The following SGCD variants were observed in gnomAD, a reference collection of about 807,000 sequenced individuals.
SGCD encodes sarcoglycan delta, also known as delta-sarcoglycan.
Under a neutral mutation model 36.6 loss-of-function variants are expected in SGCD, and 18 were observed. The observed-to-expected ratio is 0.49, with a 90% CI of 0.34 to 0.73. The LOEUF is 0.73. SGCD is among the 30% of genes least tolerant of loss of function. The probability of loss-of-function intolerance (pLI) is 0.01; values close to 1 mark genes in which losing one functional copy is unlikely to be tolerated. For missense variants in SGCD, 387 were observed against 346.7 expected (o/e 1.12, Z -0.92); for synonymous variants, 133 against 130.6 (o/e 1.02, Z -0.12).
intron 3 of SGCD, among the ~76,000 whole-genome samples, chr5:156,194,356 G>A (rs1197397522): frequency 6.6e-6 from 1 of 152,082 alleles, no homozygotes; most frequent in Non-Finnish European, 1.5e-5. Context: ...ATCAGCCTGA[G>A]CGACAGAGCA....
chr5:156,501,177 C>G (rs144457181), intron 3 of SGCD, among the ~76,000 whole-genome samples: 24 of 152,246 alleles, frequency 1.6e-4, no homozygotes, highest in African/African-American at 5.1e-4. Context: ...TTGTCTACTG[C>G]CCCCCACCCA....
intron 4 of SGCD, among the ~76,000 whole-genome samples, chr5:156,554,998 C>G (rs1758962752): frequency 6.6e-6 from 1 of 152,136 alleles, no homozygotes; most frequent in Non-Finnish European, 1.5e-5. Flanking sequence ...TGTTACACAT[C>G]CTTTCATGGA....
chr5:156,023,875 C>G (rs1390798826), intron 1 of SGCD, among the ~76,000 whole-genome samples: 1 of 152,182 alleles, frequency 6.6e-6, no homozygotes, highest in Non-Finnish European at 1.5e-5. Flanking sequence ...TGCTTCTTCC[C>G]TTGCTATCAC....
chr5:156,069,684 G>T (rs1405891118), intron 1 of SGCD, among the ~76,000 whole-genome samples: 2 of 151,234 alleles, frequency 1.3e-5, no homozygotes, highest in African/African-American at 2.5e-5. Flanking sequence ...GCTTGATGGG[G>T]ATGGCATTGA....
At chr5:156,428,796 A>G (rs1773787183) in intron 3 of SGCD, among the ~76,000 whole-genome samples, 1 of 152,146 alleles carries the variant, frequency 6.6e-6, no homozygotes, top group Non-Finnish European at 1.5e-5. Flanking sequence ...TGACCCAAAC[A>G]TCATTCAAGA....
the SGCD span, among the ~76,000 whole-genome samples, chr5:155,843,827 T>C: frequency 6.6e-6 from 1 of 152,222 alleles, no homozygotes; most frequent in South Asian, 2.1e-4. Flanking sequence ...TGCCTAGTTC[T>C]TGGTCCCAGG....
chr5:156,706,606 T>C (rs1754753680), intron 7 of SGCD, among the ~76,000 whole-genome samples: 1 of 152,146 alleles, frequency 6.6e-6, no homozygotes, highest in South Asian at 2.1e-4. Context: ...CTTGAAATCT[T>C]GACACTTTGC....
At chr5:156,615,080 T>G (rs1761971798) in intron 6 of SGCD, among the ~76,000 whole-genome samples, 1 of 152,196 alleles carries the variant, frequency 6.6e-6, no homozygotes, top group South Asian at 2.1e-4. Context: ...CATGATGTAG[T>G]TTAGCTTTAA....
chr5:156,046,460 T>C (rs1450579561), intron 1 of SGCD, among the ~76,000 whole-genome samples: 2 of 152,198 alleles, frequency 1.3e-5, no homozygotes, highest in African/African-American at 4.8e-5. Flanking sequence ...CTAGAAAGTC[T>C]ATTGGTGCCA....
At chr5:156,314,184 A>G (rs75538812) in intron 3 of SGCD, among the ~76,000 whole-genome samples, 1,781 of 152,104 alleles carry the variant, frequency 0.012, 41 homozygotes, top group African/African-American at 0.041. Flanking sequence ...GGGTCACTGT[A>G]TTGGTGAGGT....
At chr5:156,416,190 A>C (rs1284341066) in intron 3 of SGCD, among the ~76,000 whole-genome samples, 5 of 152,210 alleles carry the variant, frequency 3.3e-5, no homozygotes, top group Non-Finnish European at 5.9e-5. Flanking sequence ...TCAGTTGTAA[A>C]AAGGAATAAA....
intron 7 of SGCD, among the ~76,000 whole-genome samples, chr5:156,654,994 A>G (rs1207706339): frequency 1.3e-5 from 2 of 152,144 alleles, no homozygotes; most frequent in African/African-American, 2.4e-5. Flanking sequence ...CAGAAAAGCT[A>G]TTTGTTAAGA....
intron 2 of SGCD, among the ~76,000 whole-genome samples, chr5:156,330,226 A>C (rs538111237): frequency 6.6e-6 from 1 of 152,148 alleles, no homozygotes; most frequent in South Asian, 2.1e-4. Context: ...TGGTAAGTAT[A>C]ATGCAAATAT....
chr5:156,651,823 GA>G (rs1330228896), intron 7 of SGCD, among the ~76,000 whole-genome samples: 1 of 151,420 alleles, frequency 6.6e-6, no homozygotes, highest in Non-Finnish European at 1.5e-5. Context: ...CTAATTCTGT[GA>G]AAAAATAACA....
At chr5:156,001,295 T>C (rs1758659705) in intron 1 of SGCD, among the ~76,000 whole-genome samples, 1 of 152,192 alleles carries the variant, frequency 6.6e-6, no homozygotes, top group Non-Finnish European at 1.5e-5. Context: ...TGCAAGTGAA[T>C]GGGTGAGAAG....
intron 3 of SGCD, among the ~76,000 whole-genome samples, chr5:156,449,786 A>C (rs1396584562): frequency 7.4e-6 from 1 of 134,382 alleles, no homozygotes; most frequent in African/African-American, 2.8e-5. Flanking sequence ...TGGGAGTTGG[A>C]GGTTGCAGTG....
intron 2 of SGCD, among the ~76,000 whole-genome samples, chr5:156,120,773 G>A (rs1254771754): frequency 6.6e-6 from 1 of 152,112 alleles, no homozygotes; most frequent in Non-Finnish European, 1.5e-5. Context: ...AAAGAAAGAT[G>A]CATTTGGATA....
chr5:155,924,237 GA>G (rs1467527529), intron 1 of SGCD, among the ~76,000 whole-genome samples: 1 of 152,148 alleles, frequency 6.6e-6, no homozygotes, highest in Non-Finnish European at 1.5e-5. Flanking sequence ...AACCTAGGAG[GA>G]AATACTCATC....
intron 1 of SGCD, among the ~76,000 whole-genome samples, chr5:155,974,017 A>G (rs1285047647): frequency 6.6e-6 from 1 of 152,204 alleles, no homozygotes; most frequent in Non-Finnish European, 1.5e-5. Flanking sequence ...AGCATTTTAT[A>G]AGCAAGTTCT....
Sources: allele counts gnomAD v4.1 joint callset (sites outside exome capture counted in the v4.1 genomes callset), GRCh38; gene constraint gnomAD v4.1.1; transcripts MANE v1.5; gene names NCBI Gene and HGNC (gene_info 2026-07-23, HGNC 2026-07-21).